Variants in AMBP observed in about 807,000 individuals in gnomAD.
The protein encoded by AMBP is protein AMBP.
A neutral mutation model predicts 46.3 loss-of-function variants in AMBP; 37 were observed. That is an observed-to-expected ratio of 0.80 (90% CI 0.61 to 1.05). The LOEUF is 1.05. Among genes scored for constraint, AMBP ranks in the 50% least tolerant of loss-of-function variants. AMBP has a pLI of 0.00. For missense variants in AMBP, 475 were observed against 461.2 expected (o/e 1.03, Z -0.27); for synonymous variants, 174 against 175.9 (o/e 0.99, Z 0.09).
At chr9:114,069,545 G>A (rs1168622698) in intron 6 of AMBP, among the ~76,000 whole-genome samples, 154 bp downstream of exon 6, 1 of 150,358 alleles carries the variant, frequency 6.7e-6, no homozygotes, top group East Asian at 2.0e-4. Context: ...TGGAGCCCCA[G>A]TGAGTCTGAC....
chr9:114,061,401 C>G lies in AMBP; in HGVS notation c.853+23G>C, dbSNP rs1564370418. 3 of 1,613,850 alleles carry G rather than the reference C, an allele frequency of 1.9e-6. No individual in the cohort carries two copies. The Admixed American group carries it at 5.0e-5, about 27-fold the overall frequency. On this transcript the variant is annotated intron_variant, in intron 8 of 9. Coordinates refer to ENST00000265132, the MANE Select transcript of AMBP (RefSeq NM_001633.4). ...CAGGGTCTTGAGGGTGCAGAGCGCA[C>G]AGGGGTGGGGACCCGCACTCACCCA...
At chr9:114,072,603 G>GCT (rs896690661) in intron 5 of AMBP, among the ~76,000 whole-genome samples, 1 of 152,174 alleles carries the variant, frequency 6.6e-6, no homozygotes, top group Non-Finnish European at 1.5e-5. Context: ...CAAAGATCCC[G>GCT]TAACACTCTG....
In AMBP at chr9:114,062,754, A is replaced by ACTCT; in HGVS notation, c.604_607dup (p.Val203GlufsTer22). 6.2e-7 allele frequency: 1 copy of ACTCT among 1,613,380 alleles called. No homozygotes were observed. Among genetic ancestry groups the ACTCT allele is most frequent in the Non-Finnish European group, 8.5e-7 (1 of 1,179,852 alleles). On this transcript the variant is annotated frameshift_variant, in exon 7 of 10. Coordinates refer to ENST00000265132, the MANE Select transcript of AMBP (RefSeq NM_001633.4). LOFTEE classifies it high-confidence loss of function. The stretch of plus-strand genomic sequence containing the variant: ...TTCTTGGGGTAGCACAGCCCTCCGG[A>ACTCT]CTCTCTGCGGGGGAGAGAAAGAGAA...
chr9:114,061,359 G>A, intron 8 of AMBP, 65 bp downstream of exon 8: 5 of 1,605,042 alleles, frequency 3.1e-6, no homozygotes, highest in Non-Finnish European at 3.4e-6. Flanking sequence ...CAATTCGCAG[G>A]TGGTTTACTG....
At chr9:114,062,080 C>A (rs1846644824) in intron 7 of AMBP, among the ~76,000 whole-genome samples, 1 of 152,174 alleles carries the variant, frequency 6.6e-6, no homozygotes. Flanking sequence ...TCCCCTCACC[C>A]CTCCAACGTC....
intron 7 of AMBP, among the ~76,000 whole-genome samples, chr9:114,062,204 C>G: frequency 6.6e-6 from 1 of 152,162 alleles, no homozygotes; most frequent in South Asian, 2.1e-4. Context: ...TCTGTGTGAC[C>G]CTAGTGCCCA....
In AMBP at chr9:114,061,080, A is replaced by C; in HGVS notation, c.872T>G (p.Ile291Arg). 1 of 1,614,124 alleles carries C rather than the reference A, an allele frequency of 6.2e-7. No homozygotes were observed. Among genetic ancestry groups the C allele is most frequent in the Non-Finnish European group, 8.5e-7 (1 of 1,180,006 alleles). ...CRTVAACNLP[I>R]VRGPCRAFIQ... ...GAAGGCTCGGCAGGGGCCCCGGACT[A>C]TGGGGAGATTGCAGGCCGCTGTGGA... Residue 291 changes from isoleucine (I) to arginine (R), a missense_variant, in exon 9 of 10, where the codon ATA (isoleucine) becomes AGA (arginine). By Grantham distance (97) the Ile-to-Arg change is moderately conservative. Transcript: ENST00000265132.
chr9:114,075,044 T>C lies in AMBP; in HGVS notation c.261-8A>G. 1 of 1,613,352 alleles carries C rather than the reference T, an allele frequency of 6.2e-7. No homozygotes were observed. On this transcript the variant is annotated splice_region_variant and splice_polypyrimidine_tract_variant and intron_variant, in intron 2 of 9. Transcript: ENST00000265132. ...TCCTCACAGACACCTTTCCTAGAAA[T>C]GAACAAATCAAAAGGAAGGTCACTC...
At chr9:114,073,893 A>T (rs1846772983) in intron 4 of AMBP, 143 bp downstream of exon 4, 2 of 750,968 alleles carry the variant, frequency 2.7e-6, no homozygotes, top group Non-Finnish European at 2.3e-6. Context: ...CTCCAGGGAG[A>T]CTCAGTGATT....
rs1188096589 is a variant in AMBP at position 114,073,637 on chromosome 9, G to T, written c.454+399C>A. Among the ~76,000 whole-genome samples the T allele has an allele frequency of 2.0e-5, 3 of 151,808 alleles. No homozygotes were observed. In the South Asian group the frequency reaches 6.3e-4, roughly 32 times the overall value. Reference sequence around the variant, plus strand: ...CTAAGCTTCCTGAGTAGCTGGGACTGCAAGCACACATGCACTATGCCCAGC... The same window carrying T: ...CTAAGCTTCCTGAGTAGCTGGGACTTCAAGCACACATGCACTATGCCCAGC... On this transcript the variant is annotated intron_variant, in intron 4 of 9. Transcript: ENST00000265132.
In AMBP at chr9:114,074,987, C is replaced by T; in HGVS notation, c.310G>A (p.Asp104Asn). The change falls in exon 3 of 10, where the codon GAT becomes AAT. Residue 104 changes from aspartate (D) to asparagine (N), a missense_variant. Asp to Asn is a conservative substitution (Grantham distance 23). This residue lies in a region of AMBP where 179 missense variants were observed against 167.4 expected (regional missense o/e 1.07). Transcript: ENST00000265132. Reference protein sequence around the residue: ...TSGAYEKTDTDGKFLYHKSKW... With the variant: ...TSGAYEKTDTNGKFLYHKSKW... ...GATTTGTGATAGAGAAACTTCCCAT[C>T]AGTATCTGTTTTCTCATAAGCTCCA... is the stretch of plus-strand genomic sequence containing the variant. The T allele has an allele frequency of 2.5e-6, 4 of 1,614,150 alleles. No homozygotes were observed. Among genetic ancestry groups the T allele is most frequent in the Non-Finnish European group, 2.5e-6 (3 of 1,179,996 alleles).
rs1417873686 is a variant in AMBP, at chr9:114,076,688, T to C, written c.170A>G (p.Lys57Arg). 8 of 1,613,874 alleles carry C rather than the reference T, an allele frequency of 5.0e-6. No individual in the cohort carries two copies. The African/African-American group carries it at 8.0e-5, about 16-fold the overall frequency. Residue 57 changes from lysine to arginine, a missense_variant, in exon 2 of 10, where the codon AAG (lysine) becomes AGG (arginine). Transcript: ENST00000265132. ...CACTGTCATCCTGTCCATGATCTTC[T>C]TCAGCCAGGGGCAGGTGGAACCGAT... Reference protein sequence around the residue: ...LAIGSTCPWLKKIMDRMTVST... With the variant: ...LAIGSTCPWLRKIMDRMTVST...
intron 6 of AMBP, among the ~76,000 whole-genome samples, chr9:114,067,654 A>G (rs1846707245): frequency 6.6e-6 from 1 of 152,224 alleles, no homozygotes; most frequent in African/African-American, 2.4e-5. Context: ...AACAGAAGAA[A>G]TAAATTGCCT....
intron 2 of AMBP, among the ~76,000 whole-genome samples, chr9:114,075,804 G>T (rs1018835555): frequency 2.0e-5 from 3 of 152,126 alleles, no homozygotes; most frequent in African/African-American, 7.2e-5. Flanking sequence ...CCTGGAGGAG[G>T]TGACATGAAA....
chr9:114,069,654 TG>T (rs1457515166), intron 6 of AMBP, 44 bp downstream of exon 6: 3 of 1,116,764 alleles, frequency 2.7e-6, no homozygotes, highest in South Asian at 1.3e-5. Flanking sequence ...TGGGGCAGAG[TG>T]GGGTGGGATG....
chr9:114,078,129 G>T lies in AMBP; in HGVS notation c.81C>A (p.Asp27Glu). The T allele has an allele frequency of 6.2e-7, 1 of 1,613,890 alleles. No homozygotes were observed. The highest frequency in any genetic ancestry group is 8.5e-7 in the Non-Finnish European group (1 of 1,180,036). ...VSAGPVPTPP[D>E]NIQVQENFNI... ...TGAAGTTTTCCTGCACTTGGATGTT[G>T]TCGGGCGGCGTTGGCACAGGGCCAG... Residue 27 changes from aspartate to glutamate, a missense_variant, in exon 1 of 10, where the codon GAC becomes GAA. This residue lies in a region of AMBP where 179 missense variants were observed against 167.4 expected (regional missense o/e 1.07). Transcript: ENST00000265132.
intron 5 of AMBP, 142 bp from the exon 6 acceptor site, chr9:114,069,887 G>C (rs781416080): frequency 1.2e-6 from 1 of 814,552 alleles, no homozygotes; most frequent in East Asian, 2.6e-5. Context: ...CTGCCTGTGT[G>C]GCTTGCTCAA....
rs374814659 is a variant in AMBP at position 114,062,650 on chromosome 9, G to A, written c.685+27C>T. On this transcript the variant is annotated intron_variant, in intron 7 of 9. Coordinates refer to ENST00000265132, the MANE Select transcript of AMBP (RefSeq NM_001633.4). ...CCCTTCCTTTCTGGAGTATGGCAGA[G>A]GGGGTGAAAAGGCAGGTGTTCATTA... The A allele has an allele frequency of 8.4e-5, 136 of 1,609,672 alleles. 1 individual carries two copies. In the African/African-American group the frequency reaches 1.7e-3, roughly 20 times the overall value.
rs1846789496 is a variant in AMBP, at chr9:114,074,957, T to TA, written c.337+2dup. On this transcript the variant is annotated splice_region_variant and intron_variant, in intron 3 of 9. Coordinates refer to ENST00000265132, the MANE Select transcript of AMBP (RefSeq NM_001633.4). ...TGCATGTGTCTCTTTCCACTCCACT[T>TA]ACTGGATTTGTGATAGAGAAACTTC... 6.2e-7 allele frequency: 1 copy of TA among 1,613,444 alleles called. No individual in the cohort carries two copies. The highest frequency in any genetic ancestry group is 8.5e-7 in the Non-Finnish European group (1 of 1,179,474).
Sources: allele counts gnomAD v4.1 joint callset (sites outside exome capture counted in the v4.1 genomes callset), GRCh38; gene constraint gnomAD v4.1.1; regional missense constraint gnomAD v4.1.1; transcripts MANE v1.5; gene names NCBI Gene and HGNC (gene_info 2026-07-23, HGNC 2026-07-21).